Variants in MAP4 observed in about 807,000 individuals in gnomAD.
The protein encoded by MAP4 is microtubule-associated protein 4.
Under a neutral mutation model 170.2 loss-of-function variants are expected in MAP4, and 76 were observed. The observed-to-expected ratio is 0.45, with a 90% CI of 0.37 to 0.54. The LOEUF (loss-of-function observed/expected upper bound fraction) is 0.54. Ranked by LOEUF, MAP4 falls within the 20% of genes least tolerant of loss-of-function variation. The pLI is 0.00. For synonymous variants in MAP4, 909 were observed against 994.5 expected (o/e 0.91, Z 1.62); for missense variants, 2,506 against 2,748.0 (o/e 0.91, Z 1.97).
At chr3:47,902,355 A>G (rs1387318395) in intron 10 of MAP4, among the ~76,000 whole-genome samples, 2 of 152,024 alleles carry the variant, frequency 1.3e-5, no homozygotes, top group Non-Finnish European at 2.9e-5. Flanking sequence ...ACTAGTCCCA[A>G]TAAATTTCAT....
chr3:47,938,274 A>G (rs1161223892), intron 3 of MAP4, among the ~76,000 whole-genome samples: 1 of 152,114 alleles, frequency 6.6e-6, no homozygotes, highest in African/African-American at 2.4e-5. Context: ...AGGCTGAGAC[A>G]GGAGAATTGT....
At chr3:48,042,730 T>C (rs2100122296) in intron 1 of MAP4, among the ~76,000 whole-genome samples, 1 of 152,144 alleles carries the variant, frequency 6.6e-6, no homozygotes, top group Non-Finnish European at 1.5e-5. Context: ...AGAGTTACCA[T>C]ATGAAAGCAG....
At chr3:48,041,198 G>A (rs765428551) in intron 1 of MAP4, among the ~76,000 whole-genome samples, 14 of 152,006 alleles carry the variant, frequency 9.2e-5, no homozygotes, top group East Asian at 1.9e-4. Context: ...TGCAACCTCC[G>A]CCTCCCGGGT....
rs576211312 is a variant in MAP4, at chr3:47,913,697, T to TA, written c.1999+1119dup. On this transcript the variant is annotated intron_variant, in intron 8 of 20. Transcript: ENST00000683076. ...TTTGTTGAGTCAGTAAAACAACATT[T>TA]AAAAAAAAAATCACACATTTATTTA... Among the ~76,000 whole-genome samples, 429 of 150,142 alleles carry TA rather than the reference T, an allele frequency of 2.9e-3. 2 individuals are homozygous for TA. Among genetic ancestry groups the TA allele is most frequent in the East Asian group, 8.4e-3 (43 of 5,144 alleles).
At chr3:48,013,054 A>G (rs1009440545) in intron 1 of MAP4, among the ~76,000 whole-genome samples, 15 of 152,282 alleles carry the variant, frequency 9.9e-5, no homozygotes, top group African/African-American at 3.6e-4. Flanking sequence ...TGAAACATGT[A>G]TAAGTACAAT....
intron 1 of MAP4, among the ~76,000 whole-genome samples, chr3:48,079,556 G>T (rs1401724322): frequency 6.6e-6 from 1 of 152,032 alleles, no homozygotes; most frequent in African/African-American, 2.4e-5. Flanking sequence ...TTGGGAGGCT[G>T]AGGCAGGAGG....
rs187624794 is a variant in MAP4 at position 47,917,813 on chromosome 3, C to G, written c.653-639G>C. On this transcript the variant is annotated intron_variant, in intron 6 of 20. Coordinates refer to ENST00000683076, the MANE Select transcript of MAP4 (RefSeq NM_001385682.1). ...ACAGCAGGTCAGTCATGCTTCCTATCAAGAAAAACTCCAGAGTTCTAAATC... is the reference window on the plus strand; with the variant it reads ...ACAGCAGGTCAGTCATGCTTCCTATGAAGAAAAACTCCAGAGTTCTAAATC... Among the ~76,000 whole-genome samples, 255 of 152,128 alleles carry G rather than the reference C, an allele frequency of 1.7e-3. 2 individuals are homozygous for G. Among genetic ancestry groups the G allele is most frequent in the Middle Eastern group, 3.4e-3 (1 of 294 alleles).
At chr3:47,925,001 G>C (rs945352867) in intron 4 of MAP4, among the ~76,000 whole-genome samples, 1 of 152,140 alleles carries the variant, frequency 6.6e-6, no homozygotes, top group African/African-American at 2.4e-5. Context: ...TAGGAGAGAC[G>C]GGGTTTCACC....
At chr3:47,880,549 T>A (rs1463138789) in intron 10 of MAP4, among the ~76,000 whole-genome samples, 1 of 146,134 alleles carries the variant, frequency 6.8e-6, no homozygotes, top group Non-Finnish European at 1.5e-5. Context: ...CACTGCCACC[T>A]GGAACTCCTG....
intron 4 of MAP4, among the ~76,000 whole-genome samples, chr3:47,927,310 T>C (rs548371964): frequency 3.9e-5 from 6 of 152,108 alleles, no homozygotes; most frequent in African/African-American, 1.2e-4. Flanking sequence ...ATCTTATAAG[T>C]TAGATGTCAA....
chr3:47,951,736 A>G (rs2100064069), intron 3 of MAP4, among the ~76,000 whole-genome samples: 1 of 152,090 alleles, frequency 6.6e-6, no homozygotes, highest in South Asian at 2.1e-4. Context: ...TTGGCCTCCC[A>G]AAGTGCCGAG....
At chr3:48,013,969 T>C (rs1352680713) in intron 1 of MAP4, among the ~76,000 whole-genome samples, 1 of 152,192 alleles carries the variant, frequency 6.6e-6, no homozygotes. Flanking sequence ...GAAGTGAAAC[T>C]ATTAGTGAGC....
chr3:48,054,051 C>T, intron 1 of MAP4, among the ~76,000 whole-genome samples: 1 of 152,116 alleles, frequency 6.6e-6, no homozygotes, highest in East Asian at 1.9e-4. Flanking sequence ...CACCTGTGAT[C>T]CCAAAACTTT....
intron 3 of MAP4, among the ~76,000 whole-genome samples, chr3:47,968,739 A>T (rs1422443030): frequency 6.6e-6 from 1 of 152,136 alleles, no homozygotes; most frequent in Non-Finnish European, 1.5e-5. Context: ...GAAATAAAAA[A>T]GATTAAAGTG....
At chr3:47,919,530 G>A (rs142262536) in intron 5 of MAP4, among the ~76,000 whole-genome samples, 4 of 151,098 alleles carry the variant, frequency 2.6e-5, no homozygotes, top group Admixed American at 1.3e-4. Context: ...GATTGGTCTC[G>A]AACTCCTGAC....
Position 47,912,229 on chromosome 3 carries a change from G to C in MAP4, c.2192C>G (p.Ser731Cys). 2 of 1,536,074 alleles carry C rather than the reference G, an allele frequency of 1.3e-6. No individual in the cohort carries two copies. The highest frequency in any genetic ancestry group is 1.7e-6 in the Non-Finnish European group (2 of 1,146,880). ...TTGGTTCCCAGGCCCACCACAGGAG[G>C]ATGAACCAGAGACCCAACCTGACTC... ...LSESGWVSGSSSCGGPGNQRK... is the reference protein window; with the variant it reads ...LSESGWVSGSCSCGGPGNQRK... The change falls in exon 9 of 21, where the codon TCC becomes TGC. Residue 731 changes from serine to cysteine, a missense_variant. Physicochemically the swap from Ser to Cys is moderately radical, Grantham distance 112. This residue lies in a region of MAP4 where 2,008 missense variants were observed against 2,206.0 expected (regional missense o/e 0.91). Coordinates refer to ENST00000683076, the MANE Select transcript of MAP4 (RefSeq NM_001385682.1).
At chr3:48,014,397 C>T (rs2100106765) in intron 1 of MAP4, among the ~76,000 whole-genome samples, 1 of 152,144 alleles carries the variant, frequency 6.6e-6, no homozygotes, top group Non-Finnish European at 1.5e-5. Context: ...CTTCTATTCA[C>T]CCCTTGAAAG....
At chr3:48,045,472 T>C (rs1451911933) in intron 1 of MAP4, among the ~76,000 whole-genome samples, 2 of 151,970 alleles carry the variant, frequency 1.3e-5, no homozygotes, top group East Asian at 3.9e-4. Flanking sequence ...ATGCGAGGGC[T>C]CTAGACTGTG....
Position 47,892,624 on chromosome 3 carries a change from C to A in MAP4, c.5434+10326G>T, listed in dbSNP as rs1050932132. 2.0e-5 allele frequency: 29 copies of A among 1,418,684 alleles called. No individual in the cohort carries two copies. The East Asian group carries it at 6.9e-4, about 34-fold the overall frequency. 87.9% of individuals were successfully genotyped at this position (1,418,684 alleles called of 1,614,324 possible). A position where few individuals can be genotyped will look rare whatever the true frequency, so the allele number is the denominator to read the frequency against. On this transcript the variant is annotated intron_variant, in intron 10 of 20. Coordinates refer to ENST00000683076, the MANE Select transcript of MAP4 (RefSeq NM_001385682.1). Reference sequence around the variant, plus strand: ...AAAATTCATCTCTCCCTCAATGCCCCTCTCTCCTCAAGCAGTTGAGTATTA... The same window carrying A: ...AAAATTCATCTCTCCCTCAATGCCCATCTCTCCTCAAGCAGTTGAGTATTA...
Sources: gnomAD v4.1 joint callset for allele counts (sites outside exome capture counted in the v4.1 genomes callset) on GRCh38, gnomAD v4.1.1 for gene constraint, gnomAD v4.1.1 regional missense constraint, MANE v1.5 for transcripts, NCBI Gene and HGNC (gene_info 2026-07-23, HGNC 2026-07-21) for gene names.